The following SPART variants were observed in gnomAD, a reference collection of about 807,000 sequenced individuals.
SPART encodes spastic paraplegia 20 (Troyer syndrome).
In SPART, 35 loss-of-function variants were observed where a neutral mutation model predicts 58.7. That is an observed-to-expected ratio of 0.60 (90% CI 0.46 to 0.79). The LOEUF is 0.79. Ranked by LOEUF, SPART falls within the 30% of genes least tolerant of loss-of-function variation. The probability of loss-of-function intolerance (pLI) is 0.00; values close to 1 mark genes in which losing one functional copy is unlikely to be tolerated. For missense variants in SPART, 730 were observed against 786.1 expected, an observed-to-expected ratio of 0.93 and a Z score of 0.85; for synonymous variants, 284 against 280.7, an observed-to-expected ratio of 1.01 and a Z score of -0.12.
chr13:36,329,538 C>T (rs1593254517), intron 3 of SPART, 21 bp from the exon 4 acceptor site: 1 of 1,613,700 alleles, frequency 6.2e-7, no homozygotes, highest in Non-Finnish European at 8.5e-7. Flanking sequence ...AAGGTTTAAG[C>T]TTAACTCTAA....
intron 3 of SPART, among the ~76,000 whole-genome samples, chr13:36,330,815 T>A (rs1883389564): frequency 6.6e-6 from 1 of 152,214 alleles, no homozygotes. Flanking sequence ...TTTATTTTTT[T>A]ATTTGGCCTT....
intron 1 of SPART, among the ~76,000 whole-genome samples, chr13:36,360,379 C>T (rs1255129693): frequency 6.6e-6 from 1 of 151,878 alleles, no homozygotes; most frequent in Admixed American, 6.6e-5. Flanking sequence ...AGTAAGTTCA[C>T]TGGATTTGGG....
intron 1 of SPART, among the ~76,000 whole-genome samples, chr13:36,354,760 G>A (rs1438925979): frequency 6.6e-6 from 1 of 152,210 alleles, no homozygotes; most frequent in Non-Finnish European, 1.5e-5. Flanking sequence ...CTAGTGAACT[G>A]TCAATTCTGA....
intron 5 of SPART, among the ~76,000 whole-genome samples, chr13:36,320,841 G>C (rs1201481102): frequency 6.6e-6 from 1 of 152,120 alleles, no homozygotes; most frequent in Non-Finnish European, 1.5e-5. Flanking sequence ...CCTCAATACA[G>C]TCTGACAACA....
At chr13:36,309,779 T>C (rs1880906413) in intron 8 of SPART, among the ~76,000 whole-genome samples, 2 of 152,146 alleles carry the variant, frequency 1.3e-5, no homozygotes, top group African/African-American at 4.8e-5. Flanking sequence ...TTGGGTACTA[T>C]GCTTACTACC....
intron 2 of SPART, among the ~76,000 whole-genome samples, chr13:36,333,673 T>C (rs1275236350): frequency 2.0e-5 from 3 of 152,128 alleles, no homozygotes; most frequent in Non-Finnish European, 4.4e-5. Context: ...AATGGATGAG[T>C]GAATGTAACC....
chr13:36,353,706 T>G (rs982357365), intron 1 of SPART, among the ~76,000 whole-genome samples: 17 of 152,072 alleles, frequency 1.1e-4, no homozygotes, highest in Non-Finnish European at 2.2e-4. Flanking sequence ...GAACTGTAAT[T>G]AGGAAAGAAG....
intron 8 of SPART, among the ~76,000 whole-genome samples, chr13:36,308,853 C>A (rs1880782110): frequency 6.6e-6 from 1 of 151,250 alleles, no homozygotes; most frequent in Non-Finnish European, 1.5e-5. Context: ...AGAGTTCAGG[C>A]CACAGGTGAC....
Position 36,309,647 on chromosome 13 carries a change from G to A in SPART, c.1733+2498C>T, listed in dbSNP as rs540491208. Among the ~76,000 whole-genome samples, 165 of 152,228 alleles carry A rather than the reference G, an allele frequency of 1.1e-3. 1 individual carries two copies. In the Middle Eastern group the frequency reaches 0.017, roughly 16 times the overall value. ...TTAATGCAGGAACAGAAAACCACAT[G>A]TTCTCACTTATAAATGGGAAATAAA... On this transcript the variant is annotated intron_variant, in intron 8 of 8. Coordinates refer to ENST00000438666, the MANE Select transcript of SPART (RefSeq NM_015087.5).
rs1881400303 is a variant in SPART, at chr13:36,313,935, T to C, written c.1483+292A>G. On this transcript the variant is annotated intron_variant, in intron 6 of 8. Coordinates refer to ENST00000438666, the MANE Select transcript of SPART (RefSeq NM_015087.5). Reference sequence around the variant, plus strand: ...CACATCAGAACAACCCTTTAACCAGTTTCTCAAACTTTAATGTGCAAATAA... The same window carrying C: ...CACATCAGAACAACCCTTTAACCAGCTTCTCAAACTTTAATGTGCAAATAA... The C allele has an allele frequency of 7.2e-6, 3 of 418,734 alleles. No individual in the cohort carries two copies. The Admixed American group carries it at 1.2e-4, about 17-fold the overall frequency. 25.9% of individuals were successfully genotyped at this position (418,734 alleles called of 1,614,324 possible). A position where few individuals can be genotyped will look rare whatever the true frequency, so the allele number is the denominator to read the frequency against.
At chr13:36,337,460 G>C (rs1226464610) in intron 1 of SPART, among the ~76,000 whole-genome samples, 1 of 152,172 alleles carries the variant, frequency 6.6e-6, no homozygotes, top group African/African-American at 2.4e-5. Context: ...GCCCCATGCT[G>C]TTCTCCTGAT....
intron 5 of SPART, among the ~76,000 whole-genome samples, chr13:36,320,757 T>C (rs1404529308): frequency 3.9e-5 from 6 of 152,164 alleles, no homozygotes; most frequent in Non-Finnish European, 8.8e-5. Context: ...AGTCCTTTCC[T>C]ACAGGGTCTG....
intron 8 of SPART, among the ~76,000 whole-genome samples, chr13:36,310,114 T>G (rs1458845232): frequency 6.6e-6 from 1 of 152,180 alleles, no homozygotes; most frequent in Non-Finnish European, 1.5e-5. Context: ...ACATTTCGGT[T>G]TCCTCATCTG....
At chr13:36,343,959 T>C (rs1364256654) in intron 1 of SPART, among the ~76,000 whole-genome samples, 2 of 151,454 alleles carry the variant, frequency 1.3e-5, no homozygotes, top group Non-Finnish European at 2.9e-5. Flanking sequence ...GGCCCAGAAG[T>C]TCAAGGTTGC....
chr13:36,347,615 C>G (rs1885229616), upstream of SPART, among the ~76,000 whole-genome samples: 1 of 152,112 alleles, frequency 6.6e-6, no homozygotes, highest in Non-Finnish European at 1.5e-5. Context: ...TCCCAAAAAG[C>G]AAAACCTATT....
At chr13:36,308,013 C>T (rs1367753306) in intron 8 of SPART, among the ~76,000 whole-genome samples, 1 of 152,056 alleles carries the variant, frequency 6.6e-6, no homozygotes, top group African/African-American at 2.4e-5. Flanking sequence ...ACAAATTTCC[C>T]TTATTATACT....
In SPART at chr13:36,312,922, G is replaced by GT. The variant is rs150431871; in HGVS notation, c.1484-446dup. 8.5e-3 allele frequency among the ~76,000 whole-genome samples: 1,283 copies of GT among 150,510 alleles called. 6 individuals are homozygous for GT. Among genetic ancestry groups the GT allele is most frequent in the Non-Finnish European group, 9.7e-3 (657 of 67,778 alleles). Reference sequence around the variant, plus strand: ...TACTTTTAGCTTATTCCAGCTTAGCGTATTCATATTTTTCTACTGATAAAT... The same window carrying GT: ...TACTTTTAGCTTATTCCAGCTTAGCGTTATTCATATTTTTCTACTGATAAAT... On this transcript the variant is annotated intron_variant, in intron 6 of 8. Transcript: ENST00000438666.
intron 1 of SPART, among the ~76,000 whole-genome samples, chr13:36,336,106 T>G (rs1355034085): frequency 6.6e-6 from 1 of 152,242 alleles, no homozygotes; most frequent in Admixed American, 6.5e-5. Context: ...ATTAAATAAT[T>G]TTCTTGTTCT....
chr13:36,312,642 T>C, intron 6 of SPART, 165 bp from the exon 7 acceptor site: 2 of 792,674 alleles, frequency 2.5e-6, no homozygotes, highest in Admixed American at 5.0e-5. Context: ...CTCACTATGT[T>C]GCCCAGGCTG....
Sources: gnomAD v4.1 joint callset for allele counts (sites outside exome capture counted in the v4.1 genomes callset) on GRCh38, gnomAD v4.1.1 for gene constraint, MANE v1.5 for transcripts, NCBI Gene and HGNC (gene_info 2026-07-23, HGNC 2026-07-21) for gene names.